Variants in GIT2 observed in about 807,000 individuals in gnomAD.
GIT2 encodes ARF GTPase-activating protein GIT2.
In GIT2, 32 loss-of-function variants were observed where a neutral mutation model predicts 100.3. The ratio of observed to expected loss-of-function variants is 0.32; its 90% CI spans 0.24 to 0.43. The LOEUF (loss-of-function observed/expected upper bound fraction) is 0.43, where lower values mean the gene tolerates loss of function less well. Among genes scored for constraint, GIT2 ranks in the 20% least tolerant of loss-of-function variants. The probability of loss-of-function intolerance (pLI) is 1.00; values close to 1 mark genes in which losing one functional copy is unlikely to be tolerated. For synonymous variants in GIT2, 353 were observed against 364.1 expected, an observed-to-expected ratio of 0.97 and a Z score of 0.35; for missense variants, 737 against 975.1, an observed-to-expected ratio of 0.76 and a Z score of 3.25.
At chr12:109,956,119 A>C (rs1018228289) in intron 12 of GIT2, among the ~76,000 whole-genome samples, 2 of 152,028 alleles carry the variant, frequency 1.3e-5, no homozygotes, top group East Asian at 3.8e-4. Context: ...TTTAGTAGAG[A>C]CAGAGTTTCA....
At position 109,933,459 on chromosome 12, in the gene GIT2, T is replaced by A; in HGVS notation, c.2068-269A>T. 2.7e-6 allele frequency: 1 copy of A among 369,788 alleles called. No individual in the cohort carries two copies. Among genetic ancestry groups the A allele is most frequent in the Non-Finnish European group, 4.9e-6 (1 of 204,470 alleles). 22.9% of individuals were successfully genotyped at this position (369,788 alleles called of 1,614,324 possible). A position where few individuals can be genotyped will look rare whatever the true frequency, so the allele number is the denominator to read the frequency against. On this transcript the variant is annotated intron_variant, in intron 19 of 19. Transcript: ENST00000355312. This position sits in a 1 kb window ranked among gnomAD's most constrained non-coding sequence, Gnocchi z 4.5. ...TGAAGTAGTTTTTGAAAAATATTAA[T>A]CCATGTGGGTAAAATATTCCAGAAA...
At position 109,947,510 on chromosome 12, in the gene GIT2, A is replaced by T; in HGVS notation, c.1393-6T>A. 1 of 1,610,912 alleles carries T rather than the reference A, an allele frequency of 6.2e-7. No individual in the cohort carries two copies. The highest frequency in any genetic ancestry group is 8.5e-7 in the Non-Finnish European group (1 of 1,177,770). On this transcript the variant is annotated splice_region_variant and splice_polypyrimidine_tract_variant and intron_variant, in intron 14 of 19. Coordinates refer to ENST00000355312, the MANE Select transcript of GIT2 (RefSeq NM_057169.5). The surrounding 1 kb of genome is among the most constrained non-coding windows in gnomAD (Gnocchi z 4.3). Reference sequence around the variant, plus strand: ...TCACTCTGGAGTGTTTGAAGCTGAAAGAAATGTTTGGCAGTGGGACTGTGT... The same window carrying T: ...TCACTCTGGAGTGTTTGAAGCTGAATGAAATGTTTGGCAGTGGGACTGTGT...
chr12:109,968,919 T>G (rs1162612650), intron 7 of GIT2, among the ~76,000 whole-genome samples: 1 of 152,008 alleles, frequency 6.6e-6, no homozygotes, highest in Admixed American at 6.6e-5. Context: ...AAACAGGGTT[T>G]CGCCACATTG....
intron 3 of GIT2, 67 bp downstream of exon 3, chr12:109,989,623 C>T (rs908914417): frequency 7.8e-6 from 7 of 895,248 alleles, no homozygotes; most frequent in Non-Finnish European, 1.3e-5. Flanking sequence ...CCAAAAATAG[C>T]TGCACTCCTT....
intron 15 of GIT2, among the ~76,000 whole-genome samples, chr12:109,946,474 T>C (rs1009102427): frequency 6.6e-6 from 1 of 152,194 alleles, no homozygotes; most frequent in Admixed American, 6.5e-5. Flanking sequence ...ATGTAACATC[T>C]TGGCAAAACA....
In GIT2 at chr12:109,967,286, C is replaced by A. The variant is rs539662396; in HGVS notation, c.764+172G>T. 20 of 1,562,020 alleles carry A rather than the reference C, an allele frequency of 1.3e-5. No individual in the cohort carries two copies. In the East Asian group the frequency reaches 4.5e-4, roughly 35 times the overall value. The stretch of plus-strand genomic sequence containing the variant: ...AAATTGCTACTTGTGCTCTTTGAAA[C>A]TTAAGTTTTATATAGTGGTTTACTT... On this transcript the variant is annotated intron_variant, in intron 8 of 19. Transcript: ENST00000355312.
intron 7 of GIT2, among the ~76,000 whole-genome samples, chr12:109,971,210 GTACATCTCTCCACT>G (rs982154457): frequency 2.6e-5 from 4 of 152,192 alleles, no homozygotes; most frequent in Admixed American, 6.5e-5. Context: ...CATAAGCACA[GTACATCTCTCCACT>G]TATTCAGGTC....
At chr12:109,991,476 T>G in intron 2 of GIT2, 151 bp downstream of exon 2, 2 of 635,332 alleles carry the variant, frequency 3.1e-6, no homozygotes, top group South Asian at 3.9e-5. Flanking sequence ...CAGATAATAT[T>G]TGTAAATAGC....
chr12:109,984,320 G>A (rs1886918672), intron 4 of GIT2, among the ~76,000 whole-genome samples: 2 of 152,066 alleles, frequency 1.3e-5, no homozygotes, highest in Admixed American at 1.3e-4. Flanking sequence ...GCTGAGGTGG[G>A]AAGATCACCT....
chr12:109,986,048 G>T (rs554947715), intron 4 of GIT2, among the ~76,000 whole-genome samples: 1 of 151,278 alleles, frequency 6.6e-6, no homozygotes, highest in Non-Finnish European at 1.5e-5. Context: ...CTGGAGTGCC[G>T]TGGCATGATC....
intron 7 of GIT2, among the ~76,000 whole-genome samples, chr12:109,975,551 T>C (rs980957722): frequency 1.3e-5 from 2 of 152,148 alleles, no homozygotes; most frequent in Admixed American, 6.6e-5. Context: ...ATCTCTGCTT[T>C]TCATTGATGT....
At chr12:109,989,632 T>C in intron 3 of GIT2, 58 bp downstream of exon 3, 2 of 987,294 alleles carry the variant, frequency 2.0e-6, no homozygotes, top group Non-Finnish European at 3.2e-6. Flanking sequence ...GCTGCACTCC[T>C]TTCAGTGGGC....
chr12:109,975,828 G>C (rs1884904734), intron 7 of GIT2, among the ~76,000 whole-genome samples: 1 of 146,358 alleles, frequency 6.8e-6, no homozygotes, highest in South Asian at 2.2e-4. Flanking sequence ...CTGGAGTGCA[G>C]TGGCATGATC....
intron 4 of GIT2, among the ~76,000 whole-genome samples, chr12:109,987,395 A>T (rs888386809): frequency 2.0e-5 from 3 of 151,754 alleles, no homozygotes; most frequent in Admixed American, 6.6e-5. Context: ...AAAATAAATA[A>T]AAATAAATAA....
intron 13 of GIT2, 99 bp downstream of exon 13, chr12:109,952,993 G>T: frequency 8.4e-7 from 1 of 1,190,266 alleles, no homozygotes; most frequent in Non-Finnish European, 1.2e-6. Context: ...TGCTTGGCCT[G>T]AGCTAGTAAC....
intron 13 of GIT2, chr12:109,952,783 A>G: frequency 2.1e-6 from 1 of 465,410 alleles, no homozygotes; most frequent in South Asian, 2.0e-5. Flanking sequence ...TCTCTCTCCT[A>G]GGCAATGAGA....
chr12:109,989,350 C>T (rs1006167346), intron 3 of GIT2, among the ~76,000 whole-genome samples: 8 of 152,182 alleles, frequency 5.3e-5, no homozygotes, highest in African/African-American at 9.7e-5. Context: ...AGCATTTAGT[C>T]CCATCTTATA....
chr12:109,967,779 T>A (rs1375809600), intron 7 of GIT2, among the ~76,000 whole-genome samples: 1 of 152,200 alleles, frequency 6.6e-6, no homozygotes, highest in Non-Finnish European at 1.5e-5. Context: ...TAACTGACGA[T>A]CTTTGGCCAT....
At chr12:109,945,620 T>C (rs1459860226) in intron 15 of GIT2, among the ~76,000 whole-genome samples, 1 of 152,230 alleles carries the variant, frequency 6.6e-6, no homozygotes, top group Admixed American at 6.5e-5. Context: ...TTTTAATGGA[T>C]ACTATGAAAT....
Sources: gnomAD v4.1 joint callset for allele counts (sites outside exome capture counted in the v4.1 genomes callset) on GRCh38, gnomAD v4.1.1 for gene constraint, Gnocchi (gnomAD v3.1) non-coding constraint, MANE v1.5 for transcripts, NCBI Gene and HGNC (gene_info 2026-07-23, HGNC 2026-07-21) for gene names.